DNMBP: variants seen among roughly 807,000 people sequenced by gnomAD.
DNMBP encodes the protein dynamin binding protein.
Under a neutral mutation model 150.0 loss-of-function variants are expected in DNMBP, and 87 were observed. The ratio of observed to expected loss-of-function variants is 0.58; its 90% CI spans 0.49 to 0.69. DNMBP has a LOEUF of 0.69. Ranked by LOEUF, DNMBP falls within the 30% of genes least tolerant of loss-of-function variation. The pLI is 0.00. For missense variants in DNMBP, 1,774 were observed against 1,949.0 expected (o/e 0.91, Z 1.69); for synonymous variants, 711 against 750.4 (o/e 0.95, Z 0.86).
At chr10:99,908,842 C>T in intron 5 of DNMBP, 111 bp downstream of exon 5, 1 of 1,002,426 alleles carries the variant, frequency 1.0e-6, no homozygotes, top group South Asian at 1.6e-5. Context: ...CTCACAGTCA[C>T]AGTTTCTATT....
At position 99,886,456 on chromosome 10, in the gene DNMBP, C is replaced by G; in HGVS notation, c.3462G>C (p.Arg1154=). The G allele has an allele frequency of 6.2e-7, 1 of 1,614,180 alleles. No homozygotes were observed. ...KKTLEELQSA[R]NNYEALNAQL... is the part of the protein sequence containing the mutation. ...GTGCATTCAGGGCCTCATAGTTGTT[C>G]CGGGCCGACTGCAGCTCCTCCAGGG... Residue 1154 remains arginine, a synonymous_variant, in exon 13 of 17, where the codon CGG becomes CGC. Coordinates refer to ENST00000324109, the MANE Select transcript of DNMBP (RefSeq NM_015221.4).
At chr10:99,892,567 G>C (rs374552879) in intron 11 of DNMBP, among the ~76,000 whole-genome samples, 42 of 131,674 alleles carry the variant, frequency 3.2e-4, no homozygotes, top group Admixed American at 3.0e-3. Context: ...CAGCATGCTC[G>C]TTAAGAGTCA....
At chr10:99,984,291 A>G (rs957316700) in intron 1 of DNMBP, among the ~76,000 whole-genome samples, 1 of 152,228 alleles carries the variant, frequency 6.6e-6, no homozygotes, top group Admixed American at 6.5e-5. Context: ...GTATCCTCTC[A>G]GACTCACATT....
At chr10:99,925,303 A>C (rs2133273929) in intron 4 of DNMBP, among the ~76,000 whole-genome samples, 1 of 152,362 alleles carries the variant, frequency 6.6e-6, no homozygotes, top group East Asian at 1.9e-4. Flanking sequence ...TCCTTGACCC[A>C]GTTACCTTGG....
chr10:99,915,542 C>T (rs2039956659), intron 4 of DNMBP, among the ~76,000 whole-genome samples: 2 of 151,858 alleles, frequency 1.3e-5, no homozygotes, highest in South Asian at 4.2e-4. Context: ...CCCTCAGTCT[C>T]TACAAAACAA....
Position 99,920,365 on chromosome 10 carries a change from G to A in DNMBP, c.2261-11219C>T, listed in dbSNP as rs183054578. On this transcript the variant is annotated intron_variant, in intron 4 of 16. Coordinates refer to ENST00000324109, the MANE Select transcript of DNMBP (RefSeq NM_015221.4). The stretch of plus-strand genomic sequence containing the variant: ...GCTGGGACTACAGGTGTGAGCCACC[G>A]CGCCCAGCCCTATATTTCCAATATT... Among the ~76,000 whole-genome samples, 985 of 152,156 alleles carry A rather than the reference G, an allele frequency of 6.5e-3. 4 individuals are homozygous for A. Among genetic ancestry groups the A allele is most frequent in the Non-Finnish European group, 8.7e-3 (591 of 67,996 alleles).
Position 99,877,090 on chromosome 10 carries a change from G to T in DNMBP, c.*61C>A. 1.4e-6 allele frequency: 2 copies of T among 1,396,746 alleles called. No individual in the cohort carries two copies. Among genetic ancestry groups the T allele is most frequent in the Non-Finnish European group, 1.9e-6 (2 of 1,059,154 alleles). The allele number at this position is 1,396,746 out of a possible 1,614,324, so 86.5% of individuals were successfully genotyped here. A position where few individuals can be genotyped will look rare whatever the true frequency, so the allele number is the denominator to read the frequency against. Reference sequence around the variant, plus strand: ...GGAGCAGGCGCCCTCTCGGTGGGCCGCCAGAACCCTCGGCGGACTGAAAGC... The same window carrying T: ...GGAGCAGGCGCCCTCTCGGTGGGCCTCCAGAACCCTCGGCGGACTGAAAGC... On this transcript the variant is annotated 3_prime_UTR_variant, in exon 17 of 17. Coordinates refer to ENST00000324109, the MANE Select transcript of DNMBP (RefSeq NM_015221.4).
intron 1 of DNMBP, among the ~76,000 whole-genome samples, chr10:99,992,405 T>G (rs1037491902): frequency 6.6e-6 from 1 of 152,044 alleles, no homozygotes; most frequent in African/African-American, 2.4e-5. Flanking sequence ...TAATTCTCTG[T>G]GTCTTAACTT....
intron 1 of DNMBP, among the ~76,000 whole-genome samples, chr10:99,989,148 T>A (rs12772390): frequency 1.3e-5 from 2 of 152,122 alleles, no homozygotes; most frequent in African/African-American, 4.8e-5. Context: ...TATATCATTA[T>A]GTATATCATT....
intron 12 of DNMBP, among the ~76,000 whole-genome samples, chr10:99,887,890 T>C (rs1320073899): frequency 1.3e-5 from 2 of 152,146 alleles, no homozygotes; most frequent in African/African-American, 2.4e-5. Context: ...AATGGCATGA[T>C]CTCGGCTCAC....
At chr10:99,915,479 G>T (rs1365112563) in intron 4 of DNMBP, among the ~76,000 whole-genome samples, 1 of 151,818 alleles carries the variant, frequency 6.6e-6, no homozygotes, top group African/African-American at 2.4e-5. Context: ...GATAGAGGCG[G>T]GAGGATCACT....
intron 11 of DNMBP, among the ~76,000 whole-genome samples, chr10:99,892,918 G>A (rs2039595595): frequency 1.3e-5 from 2 of 152,174 alleles, no homozygotes; most frequent in Admixed American, 1.3e-4. Flanking sequence ...AATAAACTGA[G>A]GTAGGGGGAG....
chr10:99,892,850 A>G (rs1310820681), intron 11 of DNMBP, among the ~76,000 whole-genome samples: 1 of 152,272 alleles, frequency 6.6e-6, no homozygotes, highest in East Asian at 1.9e-4. Flanking sequence ...CTAAGAAGCC[A>G]TAAAATGCAA....
chr10:99,966,678 C>G (rs989514339), intron 3 of DNMBP, among the ~76,000 whole-genome samples: 1 of 152,202 alleles, frequency 6.6e-6, no homozygotes, highest in Admixed American at 6.5e-5. Context: ...CTTCCCAACA[C>G]TGATTAACAA....
At chr10:99,905,566 TAAAA>T (rs2039814967) in intron 6 of DNMBP, among the ~76,000 whole-genome samples, 1 of 151,970 alleles carries the variant, frequency 6.6e-6, no homozygotes, top group Non-Finnish European at 1.5e-5. Context: ...CTACTAAAAA[TAAAA>T]AAGCTAGTTG....
chr10:100,005,786 C>CAAAAAAAAAAAAAAAAAAAAAAAAAA (rs1589458237), intron 1 of DNMBP, among the ~76,000 whole-genome samples: 6 of 101,084 alleles, frequency 5.9e-5, no homozygotes, highest in South Asian at 3.1e-4. Flanking sequence ...AAAAAAAAAC[C>CAAAAAAAAAAAAAAAAAAAAAAAAAA]AAACTACATA....
chr10:99,996,628 A>C (rs1228861298), intron 1 of DNMBP, among the ~76,000 whole-genome samples: 1 of 152,216 alleles, frequency 6.6e-6, no homozygotes, highest in Non-Finnish European at 1.5e-5. Flanking sequence ...TAATAATAAA[A>C]GTATTAAGTA....
In DNMBP at chr10:99,899,900, A is replaced by C. The variant is rs181253426; in HGVS notation, c.2702+19T>G. ...GAACTAAAGAGCTGTAATGGAAGTT[A>C]AGTGGTCAAAACTCCTACTTCAGAT... On this transcript the variant is annotated intron_variant, in intron 7 of 16. Coordinates refer to ENST00000324109, the MANE Select transcript of DNMBP (RefSeq NM_015221.4). 1.9e-3 allele frequency: 3,011 copies of C among 1,613,854 alleles called. 13 individuals are homozygous for C. Among genetic ancestry groups the C allele is most frequent in the South Asian group, 9.8e-3 (890 of 91,076 alleles).
At chr10:99,987,559 C>T (rs2040842408) in intron 1 of DNMBP, among the ~76,000 whole-genome samples, 1 of 151,998 alleles carries the variant, frequency 6.6e-6, no homozygotes, top group African/African-American at 2.4e-5. Context: ...CATGGCAAAA[C>T]CCTGTCTCTA....
Sources: allele counts gnomAD v4.1 joint callset (sites outside exome capture counted in the v4.1 genomes callset), GRCh38; gene constraint gnomAD v4.1.1; transcripts MANE v1.5; gene names NCBI Gene and HGNC (gene_info 2026-07-23, HGNC 2026-07-21).